The following CHD3 variants were observed in gnomAD, a reference collection of about 807,000 sequenced individuals.
The protein encoded by CHD3 is ATP-dependent chromatin remodeler CHD3.
Under a neutral mutation model 248.9 loss-of-function variants are expected in CHD3, and 52 were observed. That is an observed-to-expected ratio of 0.21 (90% CI 0.17 to 0.26). The LOEUF (loss-of-function observed/expected upper bound fraction) is 0.26. Ranked by LOEUF, CHD3 falls within the 10% of genes least tolerant of loss-of-function variation. The pLI, the probability that CHD3 is intolerant of heterozygous loss-of-function variation, is 1.00. For synonymous variants in CHD3, 985 were observed against 985.2 expected (o/e 1.00, Z 0.00); for missense variants, 1,482 against 2,605.8 (o/e 0.57, Z 9.39).
Position 7,906,143 on chromosome 17 carries a change from G to C in CHD3, c.4358+154G>C. The C allele has an allele frequency of 8.3e-7, 1 of 1,207,706 alleles. No homozygotes were observed. Among genetic ancestry groups the C allele is most frequent in the Non-Finnish European group, 1.2e-6 (1 of 823,162 alleles). The allele number at this position is 1,207,706 out of a possible 1,614,324, so 74.8% of individuals were successfully genotyped here. A position where few individuals can be genotyped will look rare whatever the true frequency, so the allele number is the denominator to read the frequency against. On this transcript the variant is annotated intron_variant, in intron 28 of 39. Coordinates refer to ENST00000330494, the MANE Select transcript of CHD3 (RefSeq NM_001005273.3). The surrounding 1 kb of genome is among the most constrained non-coding windows in gnomAD (Gnocchi z 5.0). ...TTCCTGGCTCGATTTCCTGGGGGGTGGTCTCAGCCCACTCCACCTCCCCTC... is the reference window on the plus strand; with the variant it reads ...TTCCTGGCTCGATTTCCTGGGGGGTCGTCTCAGCCCACTCCACCTCCCCTC...
At chr17:7,894,882 T>C (rs1263651478) in intron 8 of CHD3, 35 bp from the exon 9 acceptor site, 1 of 1,607,554 alleles carries the variant, frequency 6.2e-7, no homozygotes, top group South Asian at 1.1e-5. Context: ...CTTAATTTCT[T>C]CCATCTGTCT....
chr17:7,894,371 C>T (rs1451382611), intron 7 of CHD3, 44 bp from the exon 8 acceptor site: 3 of 1,591,678 alleles, frequency 1.9e-6, no homozygotes, highest in African/African-American at 1.3e-5. Flanking sequence ...CTCTCCATCT[C>T]CCCCTGCCCT....
In CHD3 at chr17:7,905,047, T is replaced by C; in HGVS notation, c.4073-53T>C. 6.6e-7 allele frequency: 1 copy of C among 1,518,312 alleles called. No individual in the cohort carries two copies. Among genetic ancestry groups the C allele is most frequent in the Non-Finnish European group, 9.1e-7 (1 of 1,093,112 alleles). 94.1% of individuals were successfully genotyped at this position (1,518,312 alleles called of 1,614,324 possible). ...AATCCAGCCAGAAAGGGCCTCAGCA[T>C]GGGCATATCCCGAGAGCCCTCCCTG... On this transcript the variant is annotated intron_variant, in intron 25 of 39. Coordinates refer to ENST00000330494, the MANE Select transcript of CHD3 (RefSeq NM_001005273.3). The surrounding 1 kb of genome is among the most constrained non-coding windows in gnomAD (Gnocchi z 5.8).
At position 7,909,488 on chromosome 17, in the gene CHD3, A is replaced by G; in HGVS notation, c.5590+150A>G. The G allele has an allele frequency of 8.7e-7, 1 of 1,155,054 alleles. No homozygotes were observed. Among genetic ancestry groups the G allele is most frequent in the Non-Finnish European group, 1.2e-6 (1 of 863,558 alleles). The allele number at this position is 1,155,054 out of a possible 1,614,324, so 71.6% of individuals were successfully genotyped here. On this transcript the variant is annotated intron_variant, in intron 37 of 39. Coordinates refer to ENST00000330494, the MANE Select transcript of CHD3 (RefSeq NM_001005273.3). This position sits in a 1 kb window ranked among gnomAD's most constrained non-coding sequence, Gnocchi z 8.1. ...CTAACCCCACTCCTACCGACCTGGC[A>G]CCCCCTTGGATTTTAGCCTCTAGGA...
At position 7,909,293 on chromosome 17, in the gene CHD3, G is replaced by T. The variant is rs866348643; in HGVS notation, c.5545G>T (p.Glu1849Ter). 6.4e-7 allele frequency: 1 copy of T among 1,562,658 alleles called. No individual in the cohort carries two copies. The highest frequency in any genetic ancestry group is 8.7e-7 in the Non-Finnish European group (1 of 1,155,312). The change falls in exon 37 of 40, where the codon GAG becomes TAG. Residue 1849 changes from glutamate to a stop codon, truncating the protein, a stop_gained. Transcript: ENST00000330494. LOFTEE classifies it high-confidence loss of function. The surrounding 1 kb of genome is among the most constrained non-coding windows in gnomAD (Gnocchi z 8.1). ...CGAGAGCCACCAGCACCTCTCCAAG[G>T]AGTCGCTGGCGGGGAACAAGCCGGC... ...LAESHQHLSK[E>*]SLAGNKPANA... is the part of the protein sequence containing the mutation.
rs777077851 is a variant in CHD3, at chr17:7,890,641, A to G, written c.284A>G (p.Tyr95Cys). The change falls in exon 3 of 40, where the codon TAT (tyrosine) becomes TGT (cysteine). Residue 95 changes from tyrosine (Y) to cysteine (C), a missense_variant. Physicochemically the swap from Tyr to Cys is radical, Grantham distance 194 (BLOSUM62 -2). Transcript: ENST00000330494. ...AAGTCAGAGAGTGGGGGCAGTGAAT[A>G]TGGAACCGGACCGGGTCGGAAACGA... ...REKSESGGSE[Y>C]GTGPGRKRRR... 6 of 1,610,186 alleles carry G rather than the reference A, an allele frequency of 3.7e-6. No homozygotes were observed. The African/African-American group carries it at 4.0e-5, about 11-fold the overall frequency.
upstream of CHD3, chr17:7,885,028 G>A: frequency 9.5e-7 from 1 of 1,053,268 alleles, no homozygotes. Flanking sequence ...ACCTCTTCCC[G>A]CCGCCGCCGC....
At position 7,900,173 on chromosome 17, in the gene CHD3, T is replaced by C. The variant is rs956923993; in HGVS notation, c.2683-117T>C. ...TTGGAAGAGGGAGAGGGCCAGAGAT[T>C]TGGGGCCTCTGATCCTGAGTGAAAT... On this transcript the variant is annotated intron_variant, in intron 16 of 39. Coordinates refer to ENST00000330494, the MANE Select transcript of CHD3 (RefSeq NM_001005273.3). This position sits in a 1 kb window ranked among gnomAD's most constrained non-coding sequence, Gnocchi z 6.5. The C allele has an allele frequency of 4.6e-6, 7 of 1,538,238 alleles. No individual in the cohort carries two copies. The South Asian group carries it at 7.3e-5, about 16-fold the overall frequency.
chr17:7,899,691 T>G lies in CHD3; in HGVS notation c.2544+148T>G. 1 of 1,005,244 alleles carries G rather than the reference T, an allele frequency of 9.9e-7. No homozygotes were observed. Among genetic ancestry groups the G allele is most frequent in the Admixed American group, 2.3e-5 (1 of 42,822 alleles). 62.3% of individuals were successfully genotyped at this position (1,005,244 alleles called of 1,614,324 possible). A position where few individuals can be genotyped will look rare whatever the true frequency, so the allele number is the denominator to read the frequency against. ...TCTCTGCACTACCATCCTAGAGATA[T>G]GGCAGGTACTCCCAGGGGCATACAT... is the stretch of plus-strand genomic sequence containing the variant. On this transcript the variant is annotated intron_variant, in intron 15 of 39. Transcript: ENST00000330494. This position sits in a 1 kb window ranked among gnomAD's most constrained non-coding sequence, Gnocchi z 6.8.
chr17:7,911,762 C>T lies in CHD3; in HGVS notation c.*177C>T. ...TTCAAGAAGGGCCCTTTGTCTTTCT[C>T]CACTCCCACACACCTTTCCCACCAA... On this transcript the variant is annotated 3_prime_UTR_variant, in exon 40 of 40. Coordinates refer to ENST00000330494, the MANE Select transcript of CHD3 (RefSeq NM_001005273.3). The surrounding 1 kb of genome is among the most constrained non-coding windows in gnomAD (Gnocchi z 5.4). 6.6e-7 allele frequency: 1 copy of T among 1,514,764 alleles called. No individual in the cohort carries two copies. The highest frequency in any genetic ancestry group is 1.2e-5 in the South Asian group (1 of 82,992). 93.8% of individuals were successfully genotyped at this position (1,514,764 alleles called of 1,614,324 possible).
chr17:7,910,670 C>T lies in CHD3; in HGVS notation c.5754+79C>T, dbSNP rs1180563275. The T allele has an allele frequency of 1.3e-6, 2 of 1,535,158 alleles. No individual in the cohort carries two copies. The highest frequency in any genetic ancestry group is 1.8e-6 in the Non-Finnish European group (2 of 1,140,808). ...ACATACAAACACTTCCATCAGAATC[C>T]TATACAATATGGAAAAACAACTTGC... On this transcript the variant is annotated intron_variant, in intron 38 of 39. Coordinates refer to ENST00000330494, the MANE Select transcript of CHD3 (RefSeq NM_001005273.3). The surrounding 1 kb of genome is among the most constrained non-coding windows in gnomAD (Gnocchi z 4.7).
In CHD3 at chr17:7,910,004, T is replaced by A. The variant is rs1191429856; in HGVS notation, c.5591-424T>A. 2 of 283,728 alleles carry A rather than the reference T, an allele frequency of 7.0e-6. No individual in the cohort carries two copies. Among genetic ancestry groups the A allele is most frequent in the Non-Finnish European group, 1.4e-5 (2 of 146,174 alleles). The allele number at this position is 283,728 out of a possible 1,614,324, so 17.6% of individuals were successfully genotyped here. ...CTTACATATTAAAACCGTGATTCCT[T>A]AAAGCTTTGACACTTACCACCTCCC... is the stretch of plus-strand genomic sequence containing the variant. On this transcript the variant is annotated intron_variant, in intron 37 of 39. Coordinates refer to ENST00000330494, the MANE Select transcript of CHD3 (RefSeq NM_001005273.3). This position sits in a 1 kb window ranked among gnomAD's most constrained non-coding sequence, Gnocchi z 4.7.
Position 7,899,780 on chromosome 17 carries a change from G to C in CHD3, c.2545-116G>C. The C allele has an allele frequency of 7.5e-7, 1 of 1,337,476 alleles. No homozygotes were observed. Among genetic ancestry groups the C allele is most frequent in the Non-Finnish European group, 1.0e-6 (1 of 961,200 alleles). 82.9% of individuals were successfully genotyped at this position (1,337,476 alleles called of 1,614,324 possible). A position where few individuals can be genotyped will look rare whatever the true frequency, so the allele number is the denominator to read the frequency against. On this transcript the variant is annotated intron_variant, in intron 15 of 39. Coordinates refer to ENST00000330494, the MANE Select transcript of CHD3 (RefSeq NM_001005273.3). This position sits in a 1 kb window ranked among gnomAD's most constrained non-coding sequence, Gnocchi z 6.8. ...AGCCATGGTCTGTAATCCCTGCTTG[G>C]AGAACAGAGTAATGGCTCCTGTTGG...
rs1363047810 is a variant in CHD3 at position 7,907,940 on chromosome 17, G to A, written c.5073G>A (p.Glu1691=). 1 of 1,613,098 alleles carries A rather than the reference G, an allele frequency of 6.2e-7. No homozygotes were observed. The highest frequency in any genetic ancestry group is 8.5e-7 in the Non-Finnish European group (1 of 1,179,330). ...DRELRPGPRD[E]PRSNGRREEK... is the part of the protein sequence containing the mutation. ...AGCTTCGACCAGGGCCTCGAGATGA[G>A]CCACGGTCCAATGGGCGACGAGAGG... The change falls in exon 34 of 40, where the codon GAG becomes GAA. Residue 1691 remains glutamate (E), a synonymous_variant. Coordinates refer to ENST00000330494, the MANE Select transcript of CHD3 (RefSeq NM_001005273.3). The surrounding 1 kb of genome is among the most constrained non-coding windows in gnomAD (Gnocchi z 4.3).
rs187809397 is a variant in CHD3, at chr17:7,904,910, T to C, written c.4073-190T>C. 6.1e-3 allele frequency among the ~76,000 whole-genome samples: 932 copies of C among 151,968 alleles called. 40 individuals are homozygous for C. Among genetic ancestry groups the C allele is most frequent in the Admixed American group, 0.057 (872 of 15,264 alleles). On this transcript the variant is annotated intron_variant, in intron 25 of 39. Transcript: ENST00000330494. This position sits in a 1 kb window ranked among gnomAD's most constrained non-coding sequence, Gnocchi z 4.4. ...GGGCCCAGAGACTGAAGGTGGGCGG[T>C]GAATGGAGATGGTGTAGGATATGCG...
In CHD3 at chr17:7,912,081, G is replaced by A. The variant is rs1598021395; in HGVS notation, c.*496G>A. On this transcript the variant is annotated 3_prime_UTR_variant, in exon 40 of 40. Transcript: ENST00000330494. ...TGAGCCCTGGGAGGGAGGAAGGGAC[G>A]AGGAGGGGTGGCTGCATGTTACCGT... is the stretch of plus-strand genomic sequence containing the variant. 1.9e-5 allele frequency: 5 copies of A among 263,306 alleles called. No homozygotes were observed. The highest frequency in any genetic ancestry group is 5.3e-5 in the Admixed American group (1 of 19,018). The allele number at this position is 263,306 out of a possible 1,614,324, so 16.3% of individuals were successfully genotyped here. A position where few individuals can be genotyped will look rare whatever the true frequency, so the allele number is the denominator to read the frequency against.
intron 20 of CHD3, 46 bp from the exon 21 acceptor site, chr17:7,902,564 C>T (rs899006730): frequency 6.2e-6 from 8 of 1,280,136 alleles, no homozygotes; most frequent in Non-Finnish European, 9.1e-6. Flanking sequence ...AAGCAAGCAT[C>T]CCACCACCTC....
chr17:7,891,830 C>T (rs534808943), intron 4 of CHD3, among the ~76,000 whole-genome samples: 18 of 151,864 alleles, frequency 1.2e-4, no homozygotes, highest in Middle Eastern at 3.4e-3. Context: ...CACTGCTATG[C>T]TCTAGCCTGG....
At chr17:7,887,003 C>T (rs140053077), upstream of CHD3, among the ~76,000 whole-genome samples, 213 of 152,284 alleles carry the variant, frequency 1.4e-3, 1 homozygote, top group African/African-American at 4.9e-3. Flanking sequence ...CCCTCTCCCC[C>T]TGGGCAATTT....
Sources: allele counts gnomAD v4.1 joint callset (sites outside exome capture counted in the v4.1 genomes callset), GRCh38; gene constraint gnomAD v4.1.1; non-coding constraint Gnocchi (gnomAD v3.1); transcripts MANE v1.5; gene names NCBI Gene and HGNC (gene_info 2026-07-23, HGNC 2026-07-21).